Variants in BAZ1B observed in about 807,000 individuals in gnomAD.
The protein encoded by BAZ1B is bromodomain adjacent to zinc finger domain 1B.
A neutral mutation model predicts 153.8 loss-of-function variants in BAZ1B; 22 were observed. The ratio of observed to expected loss-of-function variants is 0.14; its 90% CI spans 0.10 to 0.20. The LOEUF is 0.20. BAZ1B is among the 10% of genes least tolerant of loss of function. The pLI, the probability that BAZ1B is intolerant of heterozygous loss-of-function variation, is 1.00. For missense variants in BAZ1B, 1,325 were observed against 1,799.3 expected (o/e 0.74, Z 4.77); for synonymous variants, 676 against 633.4 (o/e 1.07, Z -1.01).
intron 6 of BAZ1B, among the ~76,000 whole-genome samples, chr7:73,483,899 C>T (rs1583921149): frequency 6.6e-6 from 1 of 152,152 alleles, no homozygotes. Context: ...CTCAGCCCCT[C>T]AAACTGCTGA....
intron 13 of BAZ1B, among the ~76,000 whole-genome samples, chr7:73,451,259 T>C (rs782233614): frequency 6.6e-6 from 1 of 152,192 alleles, no homozygotes; most frequent in Admixed American, 6.5e-5. Context: ...AATTTAAAAA[T>C]AGGATCACCT....
chr7:73,514,113 T>C (rs1412871980), intron 1 of BAZ1B, among the ~76,000 whole-genome samples: 1 of 152,184 alleles, frequency 6.6e-6, no homozygotes, highest in Non-Finnish European at 1.5e-5. Flanking sequence ...AGCTCTTCCT[T>C]TGACGATCAT....
intron 5 of BAZ1B, among the ~76,000 whole-genome samples, chr7:73,492,391 T>C (rs1369770548): frequency 2.6e-5 from 4 of 151,930 alleles, no homozygotes; most frequent in African/African-American, 9.7e-5. Flanking sequence ...CTCGATCTCC[T>C]GACCTCATGA....
At chr7:73,476,307 C>A (rs937375533) in intron 7 of BAZ1B, among the ~76,000 whole-genome samples, 10 of 152,064 alleles carry the variant, frequency 6.6e-5, no homozygotes, top group Non-Finnish European at 1.3e-4. Context: ...TACTGTATGT[C>A]GATTATTTCT....
chr7:73,457,340 G>T (rs1418896759), intron 13 of BAZ1B, among the ~76,000 whole-genome samples: 1 of 152,010 alleles, frequency 6.6e-6, no homozygotes, highest in African/African-American at 2.4e-5. Flanking sequence ...ACCACGCCTG[G>T]CTAATTTTTG....
intron 6 of BAZ1B, among the ~76,000 whole-genome samples, chr7:73,483,085 A>G (rs1462341509): frequency 6.6e-6 from 1 of 152,218 alleles, no homozygotes; most frequent in African/African-American, 2.4e-5. Context: ...CCAGCAGTAT[A>G]ATTTTTGCCA....
intron 13 of BAZ1B, among the ~76,000 whole-genome samples, chr7:73,453,233 A>T (rs1386348890): frequency 6.6e-6 from 1 of 152,282 alleles, no homozygotes; most frequent in Non-Finnish European, 1.5e-5. Flanking sequence ...ATTTTAATGC[A>T]GAACACTGCT....
chr7:73,514,587 A>G (rs1314863756), intron 1 of BAZ1B, among the ~76,000 whole-genome samples: 7 of 151,846 alleles, frequency 4.6e-5, no homozygotes, highest in South Asian at 4.2e-4. Flanking sequence ...AGGCACGAAC[A>G]TCGCTCAAGC....
intron 6 of BAZ1B, among the ~76,000 whole-genome samples, chr7:73,487,066 G>A (rs1375109157): frequency 1.3e-5 from 2 of 152,152 alleles, no homozygotes; most frequent in Admixed American, 6.6e-5. Context: ...TTTTACATGA[G>A]TCTTAAGTTT....
chr7:73,442,148 T>G, intron 19 of BAZ1B, 33 bp downstream of exon 19: 1 of 208,524 alleles, frequency 4.8e-6, no homozygotes, highest in Non-Finnish European at 9.4e-6. Context: ...CCTCCCACCC[T>G]CCCTAGCTGT....
In BAZ1B at chr7:73,442,392, T is replaced by C. The variant is rs1554565276; in HGVS notation, c.4256A>G (p.Asn1419Ser). ...KQVFTNAEVY[N>S]CRGSHVLSCM... ...GCTTAGCACATGGCTGCCACGGCAGTTGTAAACCTCAGCATTGGTAAACAC... is the reference window on the plus strand; with the variant it reads ...GCTTAGCACATGGCTGCCACGGCAGCTGTAAACCTCAGCATTGGTAAACAC... The change falls in exon 19 of 20, where the codon AAC (asparagine) becomes AGC (serine). Residue 1419 changes from asparagine to serine, a missense_variant. By Grantham distance (46) the Asn-to-Ser change is conservative. Transcript: ENST00000339594. The C allele has an allele frequency of 1.2e-6, 2 of 1,614,056 alleles. No homozygotes were observed. The highest frequency in any genetic ancestry group is 1.7e-6 in the Non-Finnish European group (2 of 1,180,038).
At chr7:73,515,866 A>T (rs1189425645) in intron 1 of BAZ1B, among the ~76,000 whole-genome samples, 1 of 152,090 alleles carries the variant, frequency 6.6e-6, no homozygotes, top group African/African-American at 2.4e-5. Context: ...AAAATGTGGA[A>T]GGGTGTGGTG....
At chr7:73,473,409 TGA>T (rs1380676956) in intron 7 of BAZ1B, among the ~76,000 whole-genome samples, 2 of 152,080 alleles carry the variant, frequency 1.3e-5, no homozygotes, top group Non-Finnish European at 2.9e-5. Flanking sequence ...AAAAATTAGC[TGA>T]GTGTGGTAGC....
At chr7:73,480,191 T>A (rs1789149758) in intron 6 of BAZ1B, among the ~76,000 whole-genome samples, 1 of 151,894 alleles carries the variant, frequency 6.6e-6, no homozygotes, top group Non-Finnish European at 1.5e-5. Flanking sequence ...GGTCTCACTT[T>A]AAATTCATTG....
At chr7:73,502,721 T>C (rs1208376529) in intron 3 of BAZ1B, among the ~76,000 whole-genome samples, 1 of 152,058 alleles carries the variant, frequency 6.6e-6, no homozygotes, top group Non-Finnish European at 1.5e-5. Flanking sequence ...GAGGTTGCAG[T>C]AAGCCAAGGT....
chr7:73,442,074 G>T, intron 19 of BAZ1B, 107 bp downstream of exon 19: 1 of 786,994 alleles, frequency 1.3e-6, no homozygotes, highest in Non-Finnish European at 2.0e-6. Context: ...ATAAGCTTGG[G>T]ATGACAGGCG....
At chr7:73,445,138 T>C (rs548770761) in intron 16 of BAZ1B, among the ~76,000 whole-genome samples, 9 of 152,208 alleles carry the variant, frequency 5.9e-5, no homozygotes, top group Admixed American at 5.2e-4. Context: ...TGGGAAACAA[T>C]GCCATGAGGA....
At chr7:73,476,662 C>A (rs1259209812) in intron 7 of BAZ1B, among the ~76,000 whole-genome samples, 5 of 152,130 alleles carry the variant, frequency 3.3e-5, no homozygotes, top group African/African-American at 9.7e-5. Context: ...AACTTATTAA[C>A]TAATCAGAAT....
chr7:73,442,567 C>A lies in BAZ1B; in HGVS notation c.4095-14G>T. 6.3e-7 allele frequency: 1 copy of A among 1,599,946 alleles called. No homozygotes were observed. The highest frequency in any genetic ancestry group is 8.5e-7 in the Non-Finnish European group (1 of 1,171,446). On this transcript the variant is annotated splice_polypyrimidine_tract_variant and intron_variant, in intron 18 of 19. Coordinates refer to ENST00000339594, the MANE Select transcript of BAZ1B (RefSeq NM_032408.4). The stretch of plus-strand genomic sequence containing the variant: ...GTCACAGGCTCCCTGTGGAGAAGAA[C>A]CAAATGGAGAATCTGCACAGCCTTG...
Sources: gnomAD v4.1 joint callset for allele counts (sites outside exome capture counted in the v4.1 genomes callset) on GRCh38, gnomAD v4.1.1 for gene constraint, MANE v1.5 for transcripts, NCBI Gene and HGNC (gene_info 2026-07-23, HGNC 2026-07-21) for gene names.